The following CCDC85A variants were observed in gnomAD, a reference collection of about 807,000 sequenced individuals.
CCDC85A encodes the protein coiled-coil domain-containing protein 85A.
Under a neutral mutation model 50.2 loss-of-function variants are expected in CCDC85A, and 38 were observed. The observed-to-expected ratio is 0.76, with a 90% CI of 0.58 to 0.99. CCDC85A has a LOEUF of 0.99. Ranked by LOEUF, CCDC85A falls within the 50% of genes least tolerant of loss-of-function variation. The probability of loss-of-function intolerance (pLI) is 0.00; values close to 1 mark genes in which losing one functional copy is unlikely to be tolerated. For missense variants in CCDC85A, 820 were observed against 742.0 expected (o/e 1.11, Z -1.22); for synonymous variants, 366 against 301.4 (o/e 1.21, Z -2.22).
intron 3 of CCDC85A, among the ~76,000 whole-genome samples, chr2:56,344,561 T>A (rs1329774819): frequency 6.6e-6 from 1 of 152,226 alleles, no homozygotes; most frequent in Admixed American, 6.5e-5. Flanking sequence ...AAACTGTACA[T>A]GTGTTAAAAT....
At chr2:56,230,287 T>G (rs1277145351) in intron 2 of CCDC85A, among the ~76,000 whole-genome samples, 3 of 152,170 alleles carry the variant, frequency 2.0e-5, no homozygotes, top group Non-Finnish European at 2.9e-5. Context: ...GAACATACAC[T>G]TACTCTAGGG....
intron 2 of CCDC85A, among the ~76,000 whole-genome samples, chr2:56,271,436 T>C (rs1464498143): frequency 2.0e-5 from 3 of 152,030 alleles, no homozygotes; most frequent in Non-Finnish European, 4.4e-5. Flanking sequence ...GTGGGGGACA[T>C]TGTGTGTGAG....
At chr2:56,295,725 G>T (rs1461626793) in intron 2 of CCDC85A, among the ~76,000 whole-genome samples, 1 of 152,170 alleles carries the variant, frequency 6.6e-6, no homozygotes, top group Non-Finnish European at 1.5e-5. Flanking sequence ...TCTCTTGAGT[G>T]TTAGCATCAT....
chr2:56,184,640 G>C lies in CCDC85A; in HGVS notation c.16G>C (p.Gly6Arg). ...CGCGGATACCATGTCGAAGGCGGCC[G>C]GAGGCGCGGCGGCGGCTGCGGCGGC... MSKAA[G>R]GAAAAAAAAE... Residue 6 changes from glycine to arginine, a missense_variant, in exon 1 of 6, where the codon GGA (glycine) becomes CGA (arginine). By Grantham distance (125) the Gly-to-Arg change is moderately radical. Coordinates refer to ENST00000407595, the MANE Select transcript of CCDC85A (RefSeq NM_001080433.2). 1.4e-6 allele frequency: 2 copies of C among 1,435,422 alleles called. No individual in the cohort carries two copies. Among genetic ancestry groups the C allele is most frequent in the South Asian group, 3.0e-5 (2 of 66,570 alleles). The allele number at this position is 1,435,422 out of a possible 1,614,324, so 88.9% of individuals were successfully genotyped here. A position where few individuals can be genotyped will look rare whatever the true frequency, so the allele number is the denominator to read the frequency against.
chr2:56,269,238 A>G (rs954274281), intron 2 of CCDC85A, among the ~76,000 whole-genome samples: 4 of 152,122 alleles, frequency 2.6e-5, no homozygotes, highest in Non-Finnish European at 4.4e-5. Context: ...ACACATAAAC[A>G]TATCCCAGTC....
chr2:56,341,727 G>T (rs755496238), intron 2 of CCDC85A, among the ~76,000 whole-genome samples: 5 of 152,164 alleles, frequency 3.3e-5, no homozygotes, highest in Non-Finnish European at 7.4e-5. Context: ...TTCAGCTCAT[G>T]CCTGAGCTTG....
chr2:56,191,132 T>G, intron 1 of CCDC85A, among the ~76,000 whole-genome samples: 1 of 152,228 alleles, frequency 6.6e-6, no homozygotes, highest in East Asian at 1.9e-4. Context: ...ACTCAAATGT[T>G]GGCTCCTTCA....
chr2:56,288,446 A>T (rs1298229104), intron 2 of CCDC85A, among the ~76,000 whole-genome samples: 2 of 152,156 alleles, frequency 1.3e-5, no homozygotes, highest in East Asian at 3.9e-4. Context: ...AATGTTTTTG[A>T]TTGATACTTC....
At chr2:56,239,033 C>T (rs1028186531) in intron 2 of CCDC85A, among the ~76,000 whole-genome samples, 4 of 152,028 alleles carry the variant, frequency 2.6e-5, no homozygotes, top group African/African-American at 7.2e-5. Context: ...TCTTTGGCAG[C>T]TGAAAATAAA....
At chr2:56,343,819 G>C (rs529006424) in intron 3 of CCDC85A, among the ~76,000 whole-genome samples, 3 of 152,272 alleles carry the variant, frequency 2.0e-5, no homozygotes, top group South Asian at 4.1e-4. Context: ...GTAAGCAGTA[G>C]TTTAAATAAA....
intron 2 of CCDC85A, among the ~76,000 whole-genome samples, chr2:56,223,904 G>C (rs1549028): frequency 0.23 from 35,243 of 151,762 alleles, 4,696 homozygotes; most frequent in African/African-American, 0.33. Context: ...GCTGCTAACT[G>C]GCTTTCCCTA....
chr2:56,385,843 G>A lies in CCDC85A; in HGVS notation c.*1488G>A, dbSNP rs1676798375. 6.6e-6 allele frequency: 1 copy of A among 151,286 alleles called. No individual in the cohort carries two copies. The highest frequency in any genetic ancestry group is 6.6e-5 in the Admixed American group (1 of 15,122). The allele number at this position is 151,286 out of a possible 1,614,324, so 9.4% of individuals were successfully genotyped here. A position where few individuals can be genotyped will look rare whatever the true frequency, so the allele number is the denominator to read the frequency against. On this transcript the variant is annotated 3_prime_UTR_variant, in exon 6 of 6. Transcript: ENST00000407595. ...ATTATCTCTCTAATTATCATAATTG[G>A]GTTACAATTTAAGCTCCCCTTTTAA... is the stretch of plus-strand genomic sequence containing the variant.
At chr2:56,247,915 A>G (rs1474445448) in intron 2 of CCDC85A, among the ~76,000 whole-genome samples, 1 of 152,240 alleles carries the variant, frequency 6.6e-6, no homozygotes, top group Non-Finnish European at 1.5e-5. Flanking sequence ...AGCTATTTAG[A>G]GAGGCCCAAG....
chr2:56,204,723 T>C (rs2103860517), intron 2 of CCDC85A, among the ~76,000 whole-genome samples: 1 of 152,308 alleles, frequency 6.6e-6, no homozygotes, highest in East Asian at 1.9e-4. Flanking sequence ...ACAGGAATTC[T>C]GTGTGTAGGT....
Position 56,341,329 on chromosome 2 carries a change from A to G in CCDC85A, c.1241-1550A>G, listed in dbSNP as rs775373799. Among the ~76,000 whole-genome samples the G allele has an allele frequency of 1.2e-4, 19 of 152,132 alleles. No homozygotes were observed. The Middle Eastern group carries it at 0.014, about 109-fold the overall frequency. On this transcript the variant is annotated intron_variant, in intron 2 of 5. Coordinates refer to ENST00000407595, the MANE Select transcript of CCDC85A (RefSeq NM_001080433.2). ...TCTATCTATTGGGTTGACTGCAACT[A>G]ATTATTATTTTAGAGAGACAGTTAA...
At chr2:56,216,113 C>A (rs934205639) in intron 2 of CCDC85A, among the ~76,000 whole-genome samples, 1 of 151,788 alleles carries the variant, frequency 6.6e-6, no homozygotes, top group African/African-American at 2.4e-5. Flanking sequence ...ATTTGCTGAC[C>A]TCTGCTATAT....
chr2:56,248,489 T>C (rs1669607997), intron 2 of CCDC85A, among the ~76,000 whole-genome samples: 1 of 152,202 alleles, frequency 6.6e-6, no homozygotes, highest in Non-Finnish European at 1.5e-5. Context: ...CTGGCCTATC[T>C]CCGGAGGCCT....
chr2:56,251,782 C>A (rs994919150), intron 2 of CCDC85A, among the ~76,000 whole-genome samples: 1 of 151,968 alleles, frequency 6.6e-6, no homozygotes, highest in Non-Finnish European at 1.5e-5. Context: ...GGATAAGGAC[C>A]AGGAAGCTCT....
At chr2:56,316,147 C>G (rs1672911396) in intron 2 of CCDC85A, among the ~76,000 whole-genome samples, 1 of 152,102 alleles carries the variant, frequency 6.6e-6, no homozygotes, top group African/African-American at 2.4e-5. Context: ...TAGTTAACAG[C>G]TGAGATTATA....
Sources: allele counts gnomAD v4.1 joint callset (sites outside exome capture counted in the v4.1 genomes callset), GRCh38; gene constraint gnomAD v4.1.1; transcripts MANE v1.5; gene names NCBI Gene and HGNC (gene_info 2026-07-23, HGNC 2026-07-21).